The following TAF3 variants were observed in gnomAD, a reference collection of about 807,000 sequenced individuals.
The protein encoded by TAF3 is transcription initiation factor TFIID subunit 3.
TAF3 carries 7 observed loss-of-function variants against 80.6 expected under a neutral mutation model. The ratio of observed to expected loss-of-function variants is 0.09; its 90% CI spans 0.05 to 0.16. TAF3 has a LOEUF of 0.16. Among genes scored for constraint, TAF3 ranks in the 10% least tolerant of loss-of-function variants. The pLI is 1.00. For missense variants in TAF3, 921 were observed against 1,140.2 expected, an observed-to-expected ratio of 0.81 and a Z score of 2.77; for synonymous variants, 444 against 446.1, an observed-to-expected ratio of 1.00 and a Z score of 0.06.
intron 2 of TAF3, among the ~76,000 whole-genome samples, chr10:7,830,473 CTTTTTTTTTTTTTTT>C (rs1176707860): frequency 1.2e-4 from 7 of 57,678 alleles, no homozygotes; most frequent in Admixed American, 1.2e-3. Context: ...CTTTACATGT[CTTTTTTTTTTTTTTT>C]TTTTTTTTTT....
intron 3 of TAF3, among the ~76,000 whole-genome samples, chr10:7,974,014 G>C (rs1027324351): frequency 1.8e-4 from 27 of 152,198 alleles, no homozygotes; most frequent in African/African-American, 5.8e-4. Flanking sequence ...TGTAATCCCA[G>C]CTACTCGGGA....
chr10:7,858,867 C>T (rs1003850894), intron 2 of TAF3, among the ~76,000 whole-genome samples: 1 of 151,892 alleles, frequency 6.6e-6, no homozygotes, highest in Admixed American at 6.5e-5. Context: ...TGTGAGTGTG[C>T]GTGTGTGCAT....
intron 2 of TAF3, among the ~76,000 whole-genome samples, chr10:7,915,660 AAG>A (rs1837704922): frequency 1.3e-5 from 2 of 148,526 alleles, no homozygotes; most frequent in Non-Finnish European, 1.5e-5. Context: ...AAAAAAAAAA[AAG>A]AATCATGGCA....
At chr10:7,864,945 G>T (rs981774216) in intron 2 of TAF3, among the ~76,000 whole-genome samples, 2 of 151,994 alleles carry the variant, frequency 1.3e-5, no homozygotes, top group African/African-American at 2.4e-5. Flanking sequence ...TAGGTTTTGG[G>T]TGGCTGGGGT....
At chr10:7,935,350 C>G (rs1837907313) in intron 2 of TAF3, among the ~76,000 whole-genome samples, 2 of 151,920 alleles carry the variant, frequency 1.3e-5, no homozygotes, top group African/African-American at 2.4e-5. Flanking sequence ...GTAATCTCAG[C>G]ACTTTGGGAG....
intron 2 of TAF3, among the ~76,000 whole-genome samples, chr10:7,887,909 A>G (rs1013259921): frequency 1.3e-5 from 2 of 152,126 alleles, no homozygotes; most frequent in African/African-American, 4.8e-5. Flanking sequence ...TCCAGCTCCA[A>G]TCCACAGACC....
At chr10:7,966,857 C>G (rs573326313) in intron 3 of TAF3, among the ~76,000 whole-genome samples, 12 of 152,148 alleles carry the variant, frequency 7.9e-5, no homozygotes, top group African/African-American at 2.9e-4. Flanking sequence ...CTTTGGCTAT[C>G]CTAAAATATA....
chr10:7,946,221 T>C (rs1277526252), intron 2 of TAF3, among the ~76,000 whole-genome samples: 3 of 152,174 alleles, frequency 2.0e-5, no homozygotes, highest in Non-Finnish European at 4.4e-5. Flanking sequence ...TCCATGAAGC[T>C]CTCTTGACCT....
chr10:7,913,817 C>G (rs548919550), intron 2 of TAF3, among the ~76,000 whole-genome samples: 1 of 152,302 alleles, frequency 6.6e-6, no homozygotes, highest in South Asian at 2.1e-4. Context: ...TACATTGAAC[C>G]TGAAGTGCAG....
intron 3 of TAF3, among the ~76,000 whole-genome samples, chr10:7,975,459 G>C (rs1831663753): frequency 6.6e-6 from 1 of 152,196 alleles, no homozygotes; most frequent in Non-Finnish European, 1.5e-5. Context: ...CCTTAGCTGG[G>C]TTAGCTGGTA....
intron 4 of TAF3, among the ~76,000 whole-genome samples, chr10:7,977,611 A>G (rs903123141): frequency 6.6e-6 from 1 of 152,172 alleles, no homozygotes; most frequent in Non-Finnish European, 1.5e-5. Context: ...ACTTATCTGA[A>G]AAATAAGAAA....
intron 2 of TAF3, among the ~76,000 whole-genome samples, chr10:7,927,887 G>T (rs1054322584): frequency 1.3e-5 from 2 of 152,144 alleles, no homozygotes; most frequent in Non-Finnish European, 2.9e-5. Flanking sequence ...GAAATAACGG[G>T]CTATGTTTAA....
intron 2 of TAF3, among the ~76,000 whole-genome samples, chr10:7,960,925 G>T (rs983044765): frequency 2.0e-5 from 3 of 152,260 alleles, no homozygotes; most frequent in African/African-American, 7.2e-5. Context: ...CTCAGAAGGG[G>T]TTCTACAAAC....
At chr10:7,859,308 AAATAAAT>A (rs1489716163) in intron 2 of TAF3, among the ~76,000 whole-genome samples, 12 of 122,640 alleles carry the variant, frequency 9.8e-5, no homozygotes, top group Non-Finnish European at 1.4e-4. Flanking sequence ...ATAAATAAAT[AAATAAAT>A]AAAAGAGAAG....
At chr10:7,848,059 T>G (rs1034207452) in intron 2 of TAF3, among the ~76,000 whole-genome samples, 1 of 152,240 alleles carries the variant, frequency 6.6e-6, no homozygotes, top group African/African-American at 2.4e-5. Flanking sequence ...CATGAGCCAC[T>G]GTGCCCAGCC....
At chr10:7,925,196 T>C (rs1837803393) in intron 2 of TAF3, among the ~76,000 whole-genome samples, 1 of 152,208 alleles carries the variant, frequency 6.6e-6, no homozygotes, top group South Asian at 2.1e-4. Flanking sequence ...TGTAGTTCTT[T>C]GCTGATCTTT....
intron 2 of TAF3, among the ~76,000 whole-genome samples, chr10:7,886,097 T>G (rs572176726): frequency 3.5e-4 from 53 of 152,186 alleles, no homozygotes; most frequent in African/African-American, 1.3e-3. Context: ...TCTGGCTAAT[T>G]GTTTTTTGTA....
chr10:8,016,268 A>C lies in TAF3; in HGVS notation c.*1517A>C, dbSNP rs1471138944. The C allele has an allele frequency of 6.6e-6, 1 of 152,150 alleles. No individual in the cohort carries two copies. The highest frequency in any genetic ancestry group is 6.6e-5 in the Admixed American group (1 of 15,260). 9.4% of individuals were successfully genotyped at this position (152,150 alleles called of 1,614,324 possible). A position where few individuals can be genotyped will look rare whatever the true frequency, so the allele number is the denominator to read the frequency against. Reference sequence around the variant, plus strand: ...TACAAATATATTACTAGAAAATGTGATTTTTTTAAATGCCAAGTAAATTGA... The same window carrying C: ...TACAAATATATTACTAGAAAATGTGCTTTTTTTAAATGCCAAGTAAATTGA... On this transcript the variant is annotated 3_prime_UTR_variant, in exon 7 of 7. Transcript: ENST00000344293.
In TAF3 at chr10:7,842,236, C is replaced by T. The variant is rs554328973; in HGVS notation, c.409+17676C>T. ...TCACCCAGGCTGAAGTGCTGTGGCA[C>T]GATCGTAGTTCACTCCAACCTCTGC... On this transcript the variant is annotated intron_variant, in intron 2 of 6. Transcript: ENST00000344293. Among the ~76,000 whole-genome samples, 7 of 139,354 alleles carry T rather than the reference C, an allele frequency of 5.0e-5. No individual in the cohort carries two copies. The South Asian group carries it at 1.4e-3, about 29-fold the overall frequency. 91.4% of individuals were successfully genotyped at this position (139,354 alleles called of 152,430 possible). A position where few individuals can be genotyped will look rare whatever the true frequency, so the allele number is the denominator to read the frequency against.
Sources: allele counts gnomAD v4.1 joint callset (sites outside exome capture counted in the v4.1 genomes callset), GRCh38; gene constraint gnomAD v4.1.1; transcripts MANE v1.5; gene names NCBI Gene and HGNC (gene_info 2026-07-23, HGNC 2026-07-21).